The following MSI2 variants were observed in gnomAD, a reference collection of about 807,000 sequenced individuals.
The protein encoded by MSI2 is musashi RNA binding protein 2.
MSI2 carries 17 observed loss-of-function variants against 45.6 expected under a neutral mutation model. The observed-to-expected ratio is 0.37, with a 90% CI of 0.26 to 0.56. MSI2 has a LOEUF of 0.56. MSI2 is among the 20% of genes least tolerant of loss of function. The probability of loss-of-function intolerance (pLI) is 0.77; values close to 1 mark genes in which losing one functional copy is unlikely to be tolerated. For synonymous variants in MSI2, 156 were observed against 158.2 expected (o/e 0.99, Z 0.11); for missense variants, 293 against 444.2 (o/e 0.66, Z 3.06).
intron 6 of MSI2, among the ~76,000 whole-genome samples, chr17:57,473,777 G>A (rs1242555740): frequency 6.6e-6 from 1 of 152,136 alleles, no homozygotes; most frequent in Non-Finnish European, 1.5e-5. Context: ...GATGGTGAGG[G>A]GAGAGTGCCT....
intron 7 of MSI2, among the ~76,000 whole-genome samples, chr17:57,572,888 C>T (rs2087915862): frequency 6.6e-6 from 1 of 152,174 alleles, no homozygotes; most frequent in Admixed American, 6.5e-5. Context: ...GGAGATCAGG[C>T]TGAGATGGCT....
At chr17:57,396,917 G>A (rs1386292978) in intron 5 of MSI2, among the ~76,000 whole-genome samples, 1 of 152,136 alleles carries the variant, frequency 6.6e-6, no homozygotes, top group Non-Finnish European at 1.5e-5. Context: ...CAAGGCTGTC[G>A]GGTAGGTATC....
At chr17:57,612,611 G>T (rs1224989271) in intron 8 of MSI2, among the ~76,000 whole-genome samples, 3 of 152,214 alleles carry the variant, frequency 2.0e-5, no homozygotes, top group Non-Finnish European at 2.9e-5. Context: ...AGTCATTGCT[G>T]CCCAAACCAC....
At chr17:57,567,901 A>T (rs2087775790) in intron 7 of MSI2, among the ~76,000 whole-genome samples, 1 of 152,250 alleles carries the variant, frequency 6.6e-6, no homozygotes, top group Non-Finnish European at 1.5e-5. Context: ...CTAGCTTACA[A>T]TAAATACCTT....
At chr17:57,573,621 T>G (rs778711552) in intron 7 of MSI2, among the ~76,000 whole-genome samples, 4 of 152,188 alleles carry the variant, frequency 2.6e-5, no homozygotes, top group Non-Finnish European at 4.4e-5. Flanking sequence ...GCCACCACAT[T>G]TATCAGCAAG....
At chr17:57,538,502 C>T (rs1181566689) in intron 7 of MSI2, among the ~76,000 whole-genome samples, 1 of 152,158 alleles carries the variant, frequency 6.6e-6, no homozygotes, top group Non-Finnish European at 1.5e-5. Context: ...GTTTTACTCC[C>T]TTGTGAAGGT....
intron 6 of MSI2, among the ~76,000 whole-genome samples, chr17:57,442,137 A>G (rs1276270234): frequency 1.3e-5 from 2 of 151,952 alleles, no homozygotes; most frequent in East Asian, 3.9e-4. Flanking sequence ...CCCGGGTTCA[A>G]GCGATTCTCC....
At chr17:57,404,934 AGCGTG>A (rs1283778089) in intron 6 of MSI2, among the ~76,000 whole-genome samples, 5 of 152,146 alleles carry the variant, frequency 3.3e-5, no homozygotes, top group Non-Finnish European at 7.4e-5. Context: ...CAGGTCACGA[AGCGTG>A]GCCACTGGCA....
intron 6 of MSI2, among the ~76,000 whole-genome samples, chr17:57,436,316 T>C (rs2084689541): frequency 6.6e-6 from 1 of 152,198 alleles, no homozygotes; most frequent in Non-Finnish European, 1.5e-5. Context: ...CAAAAGGGGC[T>C]TAGTAGAGCC....
At chr17:57,568,842 G>T (rs896889579) in intron 7 of MSI2, among the ~76,000 whole-genome samples, 5 of 152,208 alleles carry the variant, frequency 3.3e-5, no homozygotes, top group Non-Finnish European at 7.3e-5. Context: ...CCTCCAGGGG[G>T]CTGGAGCACT....
downstream of MSI2, among the ~76,000 whole-genome samples, chr17:57,689,078 G>T (rs2144781751): frequency 1.3e-5 from 2 of 152,214 alleles, no homozygotes; most frequent in Middle Eastern, 6.8e-3. Context: ...TGTATATTCA[G>T]CTGAGATAAA....
At chr17:57,337,945 T>G (rs1016151574) in intron 5 of MSI2, among the ~76,000 whole-genome samples, 3 of 152,230 alleles carry the variant, frequency 2.0e-5, no homozygotes, top group Non-Finnish European at 4.4e-5. Flanking sequence ...TTACTAGTAC[T>G]TAGTAATAAT....
At chr17:57,667,300 C>T (rs934486973) in intron 11 of MSI2, among the ~76,000 whole-genome samples, 3 of 152,110 alleles carry the variant, frequency 2.0e-5, no homozygotes, top group Non-Finnish European at 2.9e-5. Flanking sequence ...GTTAAAACAC[C>T]GCCTGCTTCA....
intron 7 of MSI2, among the ~76,000 whole-genome samples, chr17:57,544,723 T>C (rs2087125755): frequency 6.6e-6 from 1 of 152,192 alleles, no homozygotes; most frequent in Admixed American, 6.5e-5. Context: ...TATTTTAAAA[T>C]GGAAATTGGA....
intron 5 of MSI2, among the ~76,000 whole-genome samples, chr17:57,273,992 G>A (rs540921849): frequency 6.6e-6 from 1 of 152,324 alleles, no homozygotes; most frequent in East Asian, 1.9e-4. Flanking sequence ...CCAGTGTGGG[G>A]CTCTAAAAAG....
At chr17:57,520,312 C>T (rs2086557487) in intron 6 of MSI2, among the ~76,000 whole-genome samples, 1 of 152,228 alleles carries the variant, frequency 6.6e-6, no homozygotes, top group Non-Finnish European at 1.5e-5. Flanking sequence ...ATTAAGTTGT[C>T]TGAAGACCCC....
intron 7 of MSI2, among the ~76,000 whole-genome samples, chr17:57,564,234 A>G (rs1188013237): frequency 6.6e-6 from 1 of 152,224 alleles, no homozygotes; most frequent in Admixed American, 6.5e-5. Flanking sequence ...AGGAGCTAAC[A>G]TATTTATGGG....
At chr17:57,689,519 T>C (rs1438628283), downstream of MSI2, among the ~76,000 whole-genome samples, 1 of 152,172 alleles carries the variant, frequency 6.6e-6, no homozygotes, top group African/African-American at 2.4e-5. Context: ...AATAATGCAT[T>C]TTAAAAATCA....
chr17:57,342,250 TACATGGACATCCGGTCCCTCCATC>T lies in MSI2; in HGVS notation c.313-59127_313-59104del, dbSNP rs1481206387. Among the ~76,000 whole-genome samples the T allele has an allele frequency of 4.6e-5, 7 of 152,324 alleles. No individual in the cohort carries two copies. In the East Asian group the frequency reaches 1.3e-3, roughly 29 times the overall value. ...GGATGTTGGCAAAACACCTCTTTGA[TACATGGACATCCGGTCCCTCCATC>T]AGCAGGAGGATGGGTAGTGAGAGGC... is the stretch of plus-strand genomic sequence containing the variant. On this transcript the variant is annotated intron_variant, in intron 5 of 13. Transcript: ENST00000284073.
Sources: allele counts gnomAD v4.1 joint callset (sites outside exome capture counted in the v4.1 genomes callset), GRCh38; gene constraint gnomAD v4.1.1; transcripts MANE v1.5; gene names NCBI Gene and HGNC (gene_info 2026-07-23, HGNC 2026-07-21).